The following ATP10B variants were observed in gnomAD, a reference collection of about 807,000 sequenced individuals.
The protein encoded by ATP10B is phospholipid-transporting ATPase VB.
In ATP10B, 122 loss-of-function variants were observed where a neutral mutation model predicts 141.2. That is an observed-to-expected ratio of 0.86 (90% CI 0.75 to 1.00). The LOEUF (loss-of-function observed/expected upper bound fraction) is 1.00, where lower values mean the gene tolerates loss of function less well. ATP10B is among the 50% of genes least tolerant of loss of function. The pLI is 0.00. For missense variants in ATP10B, 1,876 were observed against 1,825.3 expected (o/e 1.03, Z -0.51); for synonymous variants, 685 against 692.0 (o/e 0.99, Z 0.16).
At chr5:160,570,535 C>T (rs1754810639) in intron 24 of ATP10B, among the ~76,000 whole-genome samples, 2 of 152,172 alleles carry the variant, frequency 1.3e-5, no homozygotes. Context: ...AACTAGTTTT[C>T]CATCCTCCTG....
chr5:160,717,741 G>T (rs1309866763), intron 2 of ATP10B, among the ~76,000 whole-genome samples: 1 of 152,158 alleles, frequency 6.6e-6, no homozygotes, highest in Non-Finnish European at 1.5e-5. Flanking sequence ...ATTCATGGGA[G>T]CATGTTTCAG....
chr5:160,793,098 C>G (rs1384779603), intron 1 of ATP10B, among the ~76,000 whole-genome samples: 2 of 152,124 alleles, frequency 1.3e-5, no homozygotes, highest in Non-Finnish European at 2.9e-5. Flanking sequence ...ATGTTTTGCA[C>G]CAACATTTAT....
rs370101183 is a variant in ATP10B, at chr5:160,688,106, C to T, written c.-20-12G>A. The T allele has an allele frequency of 6.2e-7, 1 of 1,600,242 alleles. No individual in the cohort carries two copies. The highest frequency in any genetic ancestry group is 1.3e-5 in the African/African-American group (1 of 74,826). On this transcript the variant is annotated splice_polypyrimidine_tract_variant and intron_variant, in intron 4 of 25. Coordinates refer to ENST00000327245, the MANE Select transcript of ATP10B (RefSeq NM_025153.3). Reference sequence around the variant, plus strand: ...CAGCAGGCGAAGATCTGAAAACAGACACAGGAGGAGCTATGTTTAGGAGAA... The same window carrying T: ...CAGCAGGCGAAGATCTGAAAACAGATACAGGAGGAGCTATGTTTAGGAGAA...
chr5:160,816,659 A>G (rs537205271), intron 1 of ATP10B, among the ~76,000 whole-genome samples: 1 of 152,230 alleles, frequency 6.6e-6, no homozygotes, highest in Non-Finnish European at 1.5e-5. Context: ...TTATGAGGCC[A>G]GCATCATCCT....
At chr5:160,659,394 G>A (rs1370297706) in intron 7 of ATP10B, among the ~76,000 whole-genome samples, 2 of 152,114 alleles carry the variant, frequency 1.3e-5, no homozygotes, top group Non-Finnish European at 2.9e-5. Context: ...GAACCCAGGA[G>A]GCAGAGGTTG....
chr5:160,725,681 G>A (rs548579502), intron 2 of ATP10B, among the ~76,000 whole-genome samples: 1 of 152,104 alleles, frequency 6.6e-6, no homozygotes, highest in Non-Finnish European at 1.5e-5. Context: ...TCCTGACCTC[G>A]TGATCTGCCC....
intron 12 of ATP10B, 85 bp from the exon 13 acceptor site, chr5:160,632,452 G>A: frequency 1.5e-6 from 2 of 1,293,876 alleles, no homozygotes; most frequent in Non-Finnish European, 2.2e-6. Context: ...GTGGGGGGTG[G>A]TAAGAGCATG....
intron 24 of ATP10B, among the ~76,000 whole-genome samples, chr5:160,570,636 A>G (rs1754817426): frequency 6.6e-6 from 1 of 152,184 alleles, no homozygotes; most frequent in Admixed American, 6.6e-5. Flanking sequence ...TCATCTTTTA[A>G]AATCACTCAA....
At chr5:160,729,127 T>C (rs73798534) in intron 2 of ATP10B, among the ~76,000 whole-genome samples, 2,774 of 152,310 alleles carry the variant, frequency 0.018, 86 homozygotes, top group African/African-American at 0.062. Flanking sequence ...ACATTATTGT[T>C]AGGCCCCTTA....
At chr5:160,835,723 G>A (rs1387976993) in intron 1 of ATP10B, among the ~76,000 whole-genome samples, 2 of 152,122 alleles carry the variant, frequency 1.3e-5, no homozygotes, top group Non-Finnish European at 2.9e-5. Flanking sequence ...TGTCTAGGAG[G>A]CAAGTTAGGC....
the ATP10B span, among the ~76,000 whole-genome samples, chr5:160,927,216 C>T: frequency 2.5e-4 from 38 of 152,232 alleles, no homozygotes; most frequent in East Asian, 6.2e-3. Flanking sequence ...AAGAGATATG[C>T]GAGCAAAGTG....
At position 160,752,562 on chromosome 5, in the gene ATP10B, A is replaced by C. The variant is rs577747702; in HGVS notation, c.-331+32997T>G. On this transcript the variant is annotated intron_variant, in intron 2 of 25. Coordinates refer to ENST00000327245, the MANE Select transcript of ATP10B (RefSeq NM_025153.3). ...CTTTTTGGGTTAAAGAATCTTGAAA[A>C]TTTCGTTCTTTTTTTCTTAATCATT... is the stretch of plus-strand genomic sequence containing the variant. 3.9e-5 allele frequency among the ~76,000 whole-genome samples: 6 copies of C among 152,262 alleles called. No homozygotes were observed. In the East Asian group the frequency reaches 9.6e-4, roughly 24 times the overall value.
At position 160,565,493 on chromosome 5, in the gene ATP10B, C is replaced by T. The variant is rs201409494; in HGVS notation, c.4346G>A (p.Arg1449Lys). The T allele has an allele frequency of 7.2e-4, 1,167 of 1,614,106 alleles. 1 individual carries two copies. The highest frequency in any genetic ancestry group is 9.5e-4 in the Non-Finnish European group (1,116 of 1,179,968). ...ACTCTGGGATCGGCGATGGCTGCTC[C>T]TCTTTGAGCACCGGCACATATCAGT... ...GQTDMCRCSK[R>K]SSHRRSQSSL... Residue 1449 changes from arginine (R) to lysine (K), a missense_variant, in exon 26 of 26, where the codon AGG (arginine) becomes AAG (lysine). Coordinates refer to ENST00000327245, the MANE Select transcript of ATP10B (RefSeq NM_025153.3).
At chr5:160,893,466 C>A in the ATP10B span, among the ~76,000 whole-genome samples, 3 of 152,194 alleles carry the variant, frequency 2.0e-5, no homozygotes, top group African/African-American at 7.2e-5. Flanking sequence ...TGCAGCGATG[C>A]ATAGCCACTG....
intron 21 of ATP10B, among the ~76,000 whole-genome samples, chr5:160,600,116 C>T (rs1481019768): frequency 6.6e-6 from 1 of 152,144 alleles, no homozygotes; most frequent in African/African-American, 2.4e-5. Context: ...GTGCAATACA[C>T]ACTATAGATT....
chr5:160,569,134 T>C (rs1754723693), intron 25 of ATP10B, among the ~76,000 whole-genome samples: 2 of 152,196 alleles, frequency 1.3e-5, no homozygotes, highest in Admixed American at 6.5e-5. Flanking sequence ...CTGTAGGCAT[T>C]TGAGTATAAG....
chr5:160,887,336 CATT>C, the ATP10B span, among the ~76,000 whole-genome samples: 12 of 152,114 alleles, frequency 7.9e-5, no homozygotes, highest in Non-Finnish European at 1.5e-4. Flanking sequence ...AGTTGTTATA[CATT>C]ATTGTTTAGG....
At chr5:160,756,830 G>C (rs1032461692) in intron 2 of ATP10B, among the ~76,000 whole-genome samples, 2 of 152,060 alleles carry the variant, frequency 1.3e-5, no homozygotes, top group East Asian at 1.9e-4. Context: ...TAAGTTATAA[G>C]AGTTCTTTAC....
At chr5:160,624,037 A>G (rs895319074) in intron 13 of ATP10B, among the ~76,000 whole-genome samples, 1 of 152,164 alleles carries the variant, frequency 6.6e-6, no homozygotes, top group African/African-American at 2.4e-5. Flanking sequence ...CATTTTGCAC[A>G]ATGCTTTCAC....
Sources: gnomAD v4.1 joint callset for allele counts (sites outside exome capture counted in the v4.1 genomes callset) on GRCh38, gnomAD v4.1.1 for gene constraint, MANE v1.5 for transcripts, NCBI Gene and HGNC (gene_info 2026-07-23, HGNC 2026-07-21) for gene names.